The following KLF9 variants were observed in gnomAD, a reference collection of about 807,000 sequenced individuals.
KLF9 encodes the protein KLF transcription factor 9, also known as Krueppel-like factor 9.
A neutral mutation model predicts 17.3 loss-of-function variants in KLF9; 2 were observed. That is an observed-to-expected ratio of 0.12 (90% CI 0.05 to 0.36). KLF9 has a LOEUF of 0.36. Ranked by LOEUF, KLF9 falls within the 10% of genes least tolerant of loss-of-function variation. The pLI, the probability that KLF9 is intolerant of heterozygous loss-of-function variation, is 1.00. For synonymous variants in KLF9, 138 were observed against 139.2 expected (o/e 0.99, Z 0.06); for missense variants, 226 against 333.2 (o/e 0.68, Z 2.51).
intron 1 of KLF9, among the ~76,000 whole-genome samples, chr9:70,404,503 G>C (rs1043951751): frequency 2.6e-5 from 4 of 152,028 alleles, no homozygotes; most frequent in Admixed American, 2.6e-4. Flanking sequence ...GCTTGAGTAG[G>C]GGGTAGGGGG....
intron 1 of KLF9, among the ~76,000 whole-genome samples, chr9:70,401,218 C>T (rs936025151): frequency 1.8e-4 from 27 of 150,788 alleles, no homozygotes; most frequent in Admixed American, 6.6e-4. Context: ...CATGGTGGTG[C>T]GTGCCTGTGG....
intron 1 of KLF9, among the ~76,000 whole-genome samples, chr9:70,391,807 G>T (rs1204776937): frequency 6.6e-6 from 1 of 152,114 alleles, no homozygotes; most frequent in Non-Finnish European, 1.5e-5. Flanking sequence ...AAAATTAAAA[G>T]AATATTTCAT....
chr9:70,399,018 T>G (rs1024051917), intron 1 of KLF9, among the ~76,000 whole-genome samples: 6 of 151,668 alleles, frequency 4.0e-5, no homozygotes, highest in Admixed American at 3.9e-4. Flanking sequence ...ATTTTTTGTA[T>G]AGTCAGGGGT....
intron 1 of KLF9, among the ~76,000 whole-genome samples, chr9:70,391,554 G>A (rs2037153425): frequency 2.0e-5 from 3 of 152,126 alleles, no homozygotes. Context: ...CATGTAACTT[G>A]TATAATTCAA....
At chr9:70,391,390 T>C (rs773681937) in intron 1 of KLF9, among the ~76,000 whole-genome samples, 9 of 152,234 alleles carry the variant, frequency 5.9e-5, no homozygotes, top group Non-Finnish European at 1.2e-4. Context: ...TGACTGCCCC[T>C]TGGAGCTGTC....
At chr9:70,409,578 C>A (rs1209406165) in intron 1 of KLF9, among the ~76,000 whole-genome samples, 1 of 151,974 alleles carries the variant, frequency 6.6e-6, no homozygotes, top group Non-Finnish European at 1.5e-5. Context: ...AGTCAGGAGA[C>A]TTAGGATAAA....
At chr9:70,410,087 C>T (rs1224165652) in intron 1 of KLF9, among the ~76,000 whole-genome samples, 5 of 152,134 alleles carry the variant, frequency 3.3e-5, no homozygotes, top group Non-Finnish European at 7.4e-5. Context: ...GCAGAGGTTG[C>T]AAACTTAAAT....
At chr9:70,405,120 T>C (rs1248835189) in intron 1 of KLF9, among the ~76,000 whole-genome samples, 1 of 152,200 alleles carries the variant, frequency 6.6e-6, no homozygotes, top group Non-Finnish European at 1.5e-5. Context: ...TCTATTTCTT[T>C]GGGCCAAGAT....
At position 70,387,473 on chromosome 9, in the gene KLF9, GA is replaced by G. The variant is rs528347297; in HGVS notation, c.*302del. ...CCTCCCCCGCAAAAAAATAAAAGGA[GA>G]AAAAAAAACAAAAACAAAAACCAAA... is the stretch of plus-strand genomic sequence containing the variant. On this transcript the variant is annotated 3_prime_UTR_variant, in exon 2 of 2. Transcript: ENST00000377126. 172 of 112,106 alleles carry G rather than the reference GA, an allele frequency of 1.5e-3. 1 individual carries two copies. Among genetic ancestry groups the G allele is most frequent in the African/African-American group, 6.1e-3 (164 of 26,918 alleles). The allele number at this position is 112,106 out of a possible 1,614,324, so 6.9% of individuals were successfully genotyped here. A position where few individuals can be genotyped will look rare whatever the true frequency, so the allele number is the denominator to read the frequency against.
intron 1 of KLF9, among the ~76,000 whole-genome samples, chr9:70,391,186 C>T (rs73649104): frequency 0.025 from 3,792 of 152,170 alleles, 138 homozygotes; most frequent in African/African-American, 0.086. Context: ...TGGGCTAGGA[C>T]TGGAAAAGGA....
Position 70,387,678 on chromosome 9 carries a change from G to A in KLF9, c.*98C>T. The A allele has an allele frequency of 1.0e-6, 1 of 971,098 alleles. No individual in the cohort carries two copies. Among genetic ancestry groups the A allele is most frequent in the Non-Finnish European group, 1.6e-6 (1 of 615,218 alleles). The allele number at this position is 971,098 out of a possible 1,614,324, so 60.2% of individuals were successfully genotyped here. On this transcript the variant is annotated 3_prime_UTR_variant, in exon 2 of 2. Transcript: ENST00000377126. ...GAGCAGTGACTTCCTGTGCCGTCAA[G>A]TGTGCCTCTTCTGGGGCTCAGTTTT...
At chr9:70,407,657 C>T (rs1292325794) in intron 1 of KLF9, among the ~76,000 whole-genome samples, 1 of 152,210 alleles carries the variant, frequency 6.6e-6, no homozygotes. Flanking sequence ...TGGCTCCTAC[C>T]TTGTGACTAG....
At chr9:70,410,729 G>C (rs1220267637) in intron 1 of KLF9, among the ~76,000 whole-genome samples, 1 of 152,154 alleles carries the variant, frequency 6.6e-6, no homozygotes, top group Non-Finnish European at 1.5e-5. Flanking sequence ...AAGAAAATTA[G>C]AAAAGCTCCT....
Position 70,413,524 on chromosome 9 carries a change from G to T in KLF9, c.-161C>A, listed in dbSNP as rs1268950681. On this transcript the variant is annotated 5_prime_UTR_variant, in exon 1 of 2. Transcript: ENST00000377126. This position sits in a 1 kb window ranked among gnomAD's most constrained non-coding sequence, Gnocchi z 5.6. ...CGGGGCGCTTCCGACTCGCAGGAGC[G>T]CCGAGGCGACCTCAGCCCCTCATCT... 3 of 649,050 alleles carry T rather than the reference G, an allele frequency of 4.6e-6. No individual in the cohort carries two copies. Among genetic ancestry groups the T allele is most frequent in the Admixed American group, 4.8e-5 (1 of 20,644 alleles). The allele number at this position is 649,050 out of a possible 1,614,324, so 40.2% of individuals were successfully genotyped here.
chr9:70,394,992 T>C (rs1243175093), intron 1 of KLF9, among the ~76,000 whole-genome samples: 1 of 152,360 alleles, frequency 6.6e-6, no homozygotes, highest in African/African-American at 2.4e-5. Context: ...TGAAGTTCAT[T>C]TGGAAGAATA....
intron 1 of KLF9, among the ~76,000 whole-genome samples, chr9:70,395,489 A>T (rs1336179296): frequency 6.6e-6 from 1 of 152,204 alleles, no homozygotes; most frequent in African/African-American, 2.4e-5. Context: ...GCATGTTAAA[A>T]ATATATATAA....
intron 1 of KLF9, among the ~76,000 whole-genome samples, chr9:70,397,781 C>T (rs1414495683): frequency 1.3e-5 from 2 of 152,122 alleles, no homozygotes; most frequent in African/African-American, 2.4e-5. Flanking sequence ...CATAGACCTG[C>T]CCTGACCCTA....
In KLF9 at chr9:70,385,224, T is replaced by C. The variant is rs1017792435; in HGVS notation, c.*2552A>G. On this transcript the variant is annotated 3_prime_UTR_variant, in exon 2 of 2. Transcript: ENST00000377126. ...ATTGTTTCATAGTTTTAGTGTTCAA[T>C]GAACTCTAGTAGTCCTATTTGAACC... 6.5e-6 allele frequency: 1 copy of C among 152,682 alleles called. No homozygotes were observed. Among genetic ancestry groups the C allele is most frequent in the African/African-American group, 2.4e-5 (1 of 41,476 alleles). 9.5% of individuals were successfully genotyped at this position (152,682 alleles called of 1,614,324 possible). A position where few individuals can be genotyped will look rare whatever the true frequency, so the allele number is the denominator to read the frequency against.
intron 1 of KLF9, among the ~76,000 whole-genome samples, chr9:70,411,408 T>A (rs2037311967): frequency 6.6e-6 from 1 of 152,004 alleles, no homozygotes; most frequent in African/African-American, 2.4e-5. Context: ...ACACTAAAGG[T>A]CACATCCCCC....
Sources: allele counts gnomAD v4.1 joint callset (sites outside exome capture counted in the v4.1 genomes callset), GRCh38; gene constraint gnomAD v4.1.1; non-coding constraint Gnocchi (gnomAD v3.1); transcripts MANE v1.5; gene names NCBI Gene and HGNC (gene_info 2026-07-23, HGNC 2026-07-21).